Variants in TRPC6 observed in about 807,000 individuals in gnomAD.
TRPC6 encodes the protein short transient receptor potential channel 6.
In TRPC6, 55 loss-of-function variants were observed where a neutral mutation model predicts 90.7. The ratio of observed to expected loss-of-function variants is 0.61; its 90% CI spans 0.49 to 0.76. The LOEUF is 0.76. Ranked by LOEUF, TRPC6 falls within the 30% of genes least tolerant of loss-of-function variation. The pLI is 0.00. For missense variants in TRPC6, 989 were observed against 1,122.7 expected (o/e 0.88, Z 1.70); for synonymous variants, 393 against 393.0 (o/e 1.00, Z 0.00).
At chr11:101,459,983 GT>G (rs1858968441) in intron 10 of TRPC6, among the ~76,000 whole-genome samples, 1 of 152,132 alleles carries the variant, frequency 6.6e-6, no homozygotes, top group Admixed American at 6.5e-5. Context: ...GGAAACTAAG[GT>G]TCAGAGAAGT....
rs542517993 is a variant in TRPC6 at position 101,487,893 on chromosome 11, T to C, written c.1293+1044A>G. Among the ~76,000 whole-genome samples the C allele has an allele frequency of 1.1e-4, 16 of 152,294 alleles. No homozygotes were observed. The South Asian group carries it at 3.1e-3, about 30-fold the overall frequency. Reference sequence around the variant, plus strand: ...TCTAAAAGGCTTTGCACAAGCTTTCTAGCATGAGTCATTTTGAACAGCCCT... The same window carrying C: ...TCTAAAAGGCTTTGCACAAGCTTTCCAGCATGAGTCATTTTGAACAGCCCT... On this transcript the variant is annotated intron_variant, in intron 4 of 12. Coordinates refer to ENST00000344327, the MANE Select transcript of TRPC6 (RefSeq NM_004621.6).
At chr11:101,488,353 T>A (rs1208924983) in intron 4 of TRPC6, among the ~76,000 whole-genome samples, 1 of 152,250 alleles carries the variant, frequency 6.6e-6, no homozygotes, top group African/African-American at 2.4e-5. Context: ...GAAAATAGGC[T>A]ATTTTTGCTG....
chr11:101,572,182 C>T (rs11224870), intron 1 of TRPC6, among the ~76,000 whole-genome samples: 46,432 of 137,726 alleles, frequency 0.34, 7,618 homozygotes, highest in Non-Finnish European at 0.4. Flanking sequence ...AAGAAAAAAA[C>T]AAACAACCCC....
chr11:101,575,937 C>T (rs907031970), intron 1 of TRPC6, among the ~76,000 whole-genome samples: 33 of 152,030 alleles, frequency 2.2e-4, no homozygotes, highest in Non-Finnish European at 4.3e-4. Flanking sequence ...GGGGTGAGTG[C>T]GCTTTTGAAG....
intron 1 of TRPC6, among the ~76,000 whole-genome samples, chr11:101,510,188 C>T (rs1309771729): frequency 6.6e-6 from 1 of 152,066 alleles, no homozygotes; most frequent in African/African-American, 2.4e-5. Flanking sequence ...GTTGCTTACT[C>T]CCTGCCTCTC....
chr11:101,561,609 C>A (rs1207396771), intron 1 of TRPC6, among the ~76,000 whole-genome samples: 7 of 152,036 alleles, frequency 4.6e-5, no homozygotes, highest in African/African-American at 7.2e-5. Flanking sequence ...TATAGAGGCA[C>A]TGACAGTGTA....
At chr11:101,477,740 T>A (rs772736445) in intron 5 of TRPC6, among the ~76,000 whole-genome samples, 1 of 152,232 alleles carries the variant, frequency 6.6e-6, no homozygotes, top group Non-Finnish European at 1.5e-5. Context: ...TGGATTGTTA[T>A]GAGGCTTAAA....
intron 1 of TRPC6, among the ~76,000 whole-genome samples, chr11:101,550,721 A>G (rs1861430875): frequency 6.6e-6 from 1 of 151,808 alleles, no homozygotes; most frequent in Non-Finnish European, 1.5e-5. Flanking sequence ...AGATTAAGTA[A>G]AAAATACACA....
At chr11:101,502,375 G>A (rs191580320) in intron 2 of TRPC6, among the ~76,000 whole-genome samples, 52 of 152,236 alleles carry the variant, frequency 3.4e-4, no homozygotes, top group African/African-American at 1.2e-3. Flanking sequence ...TGACTGAATT[G>A]TCTTTGTATT....
intron 10 of TRPC6, among the ~76,000 whole-genome samples, chr11:101,459,252 C>T (rs540269000): frequency 2.2e-4 from 33 of 152,208 alleles, no homozygotes; most frequent in African/African-American, 5.8e-4. Flanking sequence ...GGAAGTGGAA[C>T]GGGAGAAGGC....
At chr11:101,463,495 T>C (rs991500946) in intron 10 of TRPC6, among the ~76,000 whole-genome samples, 1 of 152,224 alleles carries the variant, frequency 6.6e-6, no homozygotes, top group Non-Finnish European at 1.5e-5. Context: ...AACTTGTTAT[T>C]GGTCTATTCA....
chr11:101,502,089 C>G (rs1354203533), intron 2 of TRPC6, among the ~76,000 whole-genome samples: 2 of 152,098 alleles, frequency 1.3e-5, no homozygotes, highest in Non-Finnish European at 2.9e-5. Context: ...AGTGGCTAAT[C>G]CATACACTTC....
chr11:101,566,633 C>A (rs7932338), intron 1 of TRPC6, among the ~76,000 whole-genome samples: 89,184 of 151,938 alleles, frequency 0.59, 26,420 homozygotes, highest in Non-Finnish European at 0.64. Flanking sequence ...CAGCTCCCAG[C>A]GAGATAGACG....
rs552768034 is a variant in TRPC6, at chr11:101,460,103, TAAGG to T, written c.2485-5006_2485-5003del. ...ATCAATTTCCAAAGTGCAGTTTTGA[TAAGG>T]AAGGAAAAGCAGTGAATATAAAATA... On this transcript the variant is annotated intron_variant, in intron 10 of 12. Coordinates refer to ENST00000344327, the MANE Select transcript of TRPC6 (RefSeq NM_004621.6). 6.4e-4 allele frequency among the ~76,000 whole-genome samples: 98 copies of T among 152,310 alleles called. 1 individual carries two copies. The South Asian group carries it at 0.017, about 26-fold the overall frequency.
At chr11:101,571,229 GACAA>G (rs1308959002) in intron 1 of TRPC6, among the ~76,000 whole-genome samples, 17 of 152,134 alleles carry the variant, frequency 1.1e-4, no homozygotes, top group Non-Finnish European at 1.9e-4. Context: ...ACCAATAACA[GACAA>G]ACAGACAGCC....
chr11:101,568,002 C>T (rs945310487), intron 1 of TRPC6, among the ~76,000 whole-genome samples: 1 of 152,144 alleles, frequency 6.6e-6, no homozygotes, highest in Non-Finnish European at 1.5e-5. Flanking sequence ...GGGAACAAAA[C>T]TAGATGGAGA....
intron 12 of TRPC6, 68 bp downstream of exon 12, chr11:101,453,582 G>C: frequency 6.9e-7 from 1 of 1,443,340 alleles, no homozygotes; most frequent in Non-Finnish European, 9.8e-7. Context: ...CAGCTCTCCA[G>C]GCACTCTGCG....
rs764105884 is a variant in TRPC6, at chr11:101,476,545, A to G, written c.1511-11T>C. ...CAGCCCATATCATGCCTGCATCAGA[A>G]AGGGGTTAAAATATCAATTCAATCG... On this transcript the variant is annotated splice_polypyrimidine_tract_variant and intron_variant, in intron 5 of 12. Transcript: ENST00000344327. 1 of 1,601,372 alleles carries G rather than the reference A, an allele frequency of 6.2e-7. No individual in the cohort carries two copies. The highest frequency in any genetic ancestry group is 1.1e-5 in the South Asian group (1 of 90,814).
At chr11:101,481,339 A>G (rs1052519002) in intron 5 of TRPC6, among the ~76,000 whole-genome samples, 1 of 152,146 alleles carries the variant, frequency 6.6e-6, no homozygotes, top group Non-Finnish European at 1.5e-5. Context: ...TGTTAACCCT[A>G]CATAATTTTA....
Sources: allele counts gnomAD v4.1 joint callset (sites outside exome capture counted in the v4.1 genomes callset), GRCh38; gene constraint gnomAD v4.1.1; transcripts MANE v1.5; gene names NCBI Gene and HGNC (gene_info 2026-07-23, HGNC 2026-07-21).